HACD4: variants seen among roughly 807,000 people sequenced by gnomAD.
The protein encoded by HACD4 is 3-hydroxyacyl-CoA dehydratase 4.
In HACD4, 35 loss-of-function variants were observed where a neutral mutation model predicts 33.3. The observed-to-expected ratio is 1.05, with a 90% CI of 0.80 to 1.39. The LOEUF is 1.39. Ranked by LOEUF, HACD4 falls within the 40% of genes most tolerant of loss-of-function variation. The pLI is 0.00. For synonymous variants in HACD4, 118 were observed against 98.0 expected, an observed-to-expected ratio of 1.20 and a Z score of -1.21; for missense variants, 323 against 276.5, an observed-to-expected ratio of 1.17 and a Z score of -1.19.
intron 3 of HACD4, among the ~76,000 whole-genome samples, chr9:21,025,024 T>C (rs1381547060): frequency 2.0e-5 from 3 of 152,122 alleles, no homozygotes; most frequent in African/African-American, 7.2e-5. Context: ...CACCAATAAA[T>C]CTTGCTCCCA....
At chr9:21,029,255 A>T in intron 2 of HACD4, 40 bp downstream of exon 2, 1 of 1,146,624 alleles carries the variant, frequency 8.7e-7, no homozygotes, top group Non-Finnish European at 1.3e-6. Context: ...GAAAACAAGG[A>T]TTAAAAGTTA....
intron 4 of HACD4, among the ~76,000 whole-genome samples, chr9:21,013,610 C>A (rs893800670): frequency 6.6e-6 from 1 of 152,138 alleles, no homozygotes; most frequent in Non-Finnish European, 1.5e-5. Flanking sequence ...GCCATCTGAA[C>A]AATATTAAGT....
At chr9:21,020,996 C>T (rs57721805) in intron 3 of HACD4, among the ~76,000 whole-genome samples, 2,444 of 152,140 alleles carry the variant, frequency 0.016, 68 homozygotes, top group African/African-American at 0.055. Context: ...CAGGGCAAAC[C>T]GAGTCCAGCA....
At chr9:21,018,123 A>T (rs1817810016) in intron 3 of HACD4, among the ~76,000 whole-genome samples, 1 of 152,208 alleles carries the variant, frequency 6.6e-6, no homozygotes, top group Non-Finnish European at 1.5e-5. Flanking sequence ...TCTGATGGTT[A>T]TTCAACTCTA....
At chr9:21,025,651 TTTA>T (rs1255433659) in intron 3 of HACD4, among the ~76,000 whole-genome samples, 1 of 152,198 alleles carries the variant, frequency 6.6e-6, no homozygotes, top group African/African-American at 2.4e-5. Context: ...ACAGAAAATC[TTTA>T]TTTTTATTTT....
At position 21,030,905 on chromosome 9, in the gene HACD4, C is replaced by T. The variant is rs147796693; in HGVS notation, c.38+648G>A. On this transcript the variant is annotated intron_variant, in intron 1 of 6. Coordinates refer to ENST00000495827, the MANE Select transcript of HACD4 (RefSeq NM_001010915.5). ...GTTCCCTGGGAGTTCAGAAGAGTGA[C>T]GGGAGTGGCCCTGCCAGTGTGGTCA... Among the ~76,000 whole-genome samples, 75 of 152,246 alleles carry T rather than the reference C, an allele frequency of 4.9e-4. 1 individual carries two copies. The highest frequency in any genetic ancestry group is 1.7e-3 in the African/African-American group (70 of 41,566).
At chr9:21,028,152 GA>G (rs1368534100) in intron 2 of HACD4, among the ~76,000 whole-genome samples, 1 of 122,658 alleles carries the variant, frequency 8.2e-6, no homozygotes, top group South Asian at 2.7e-4. Context: ...AAAAAAAAAA[GA>G]AAAAAGAAAA....
chr9:21,016,697 T>A (rs1020860472), intron 3 of HACD4, among the ~76,000 whole-genome samples: 7 of 148,800 alleles, frequency 4.7e-5, no homozygotes, highest in Admixed American at 4.7e-4. Context: ...GAGATGAAAT[T>A]GAAAACATGT....
intron 4 of HACD4, among the ~76,000 whole-genome samples, chr9:21,014,216 CT>C: frequency 6.6e-6 from 1 of 152,286 alleles, no homozygotes; most frequent in East Asian, 1.9e-4. Flanking sequence ...TGGAATTTCA[CT>C]CCTAGGTATA....
rs1194255732 is a variant in HACD4 at position 21,006,219 on chromosome 9, G to A, written c.*818C>T. ...CTCCAATATGATGGTATTTGGAGGT[G>A]GGGCCATTGGGAGGTAATTAGATCA... is the stretch of plus-strand genomic sequence containing the variant. On this transcript the variant is annotated 3_prime_UTR_variant, in exon 7 of 7. Transcript: ENST00000495827. This position sits in a 1 kb window ranked among gnomAD's most constrained non-coding sequence, Gnocchi z 4.6. 1 of 152,274 alleles carries A rather than the reference G, an allele frequency of 6.6e-6. No individual in the cohort carries two copies. 9.4% of individuals were successfully genotyped at this position (152,274 alleles called of 1,614,324 possible).
rs1272993081 is a variant in HACD4, at chr9:21,003,514, TA to T, written c.*3522del. On this transcript the variant is annotated 3_prime_UTR_variant, in exon 7 of 7. Coordinates refer to ENST00000495827, the MANE Select transcript of HACD4 (RefSeq NM_001010915.5). Reference sequence around the variant, plus strand: ...TAAAAGCAGAAAAAATGTAGCTTTTTAAAAGGATAATTTTTTAAAATCCAAA... The same window carrying T: ...TAAAAGCAGAAAAAATGTAGCTTTTTAAAGGATAATTTTTTAAAATCCAAA... 1 of 152,128 alleles carries T rather than the reference TA, an allele frequency of 6.6e-6. No homozygotes were observed. The highest frequency in any genetic ancestry group is 1.9e-4 in the East Asian group (1 of 5,202). The allele number at this position is 152,128 out of a possible 1,614,324, so 9.4% of individuals were successfully genotyped here.
intron 1 of HACD4, among the ~76,000 whole-genome samples, chr9:21,030,595 T>C (rs1400638363): frequency 2.6e-5 from 4 of 152,180 alleles, no homozygotes; most frequent in African/African-American, 4.8e-5. Flanking sequence ...GGGGTAGGGA[T>C]GGGAGTAATC....
intron 4 of HACD4, among the ~76,000 whole-genome samples, chr9:21,012,436 A>C (rs1314388943): frequency 6.6e-6 from 1 of 152,226 alleles, no homozygotes; most frequent in African/African-American, 2.4e-5. Flanking sequence ...GAGAACTACT[A>C]ATATAGACAG....
chr9:21,025,876 A>G (rs139711446), intron 3 of HACD4, among the ~76,000 whole-genome samples: 2 of 152,336 alleles, frequency 1.3e-5, no homozygotes, highest in East Asian at 1.9e-4. Flanking sequence ...CAGTTACTTC[A>G]TAAGATACAT....
chr9:21,024,718 C>T (rs1188357757), intron 3 of HACD4, among the ~76,000 whole-genome samples: 1 of 152,186 alleles, frequency 6.6e-6, no homozygotes, highest in East Asian at 1.9e-4. Context: ...GCATTCTCTA[C>T]ACTGGCAATA....
chr9:21,025,735 G>T (rs907973955), intron 3 of HACD4, among the ~76,000 whole-genome samples: 1 of 152,082 alleles, frequency 6.6e-6, no homozygotes, highest in Non-Finnish European at 1.5e-5. Context: ...CCTTCAACCT[G>T]TCTTTACAAA....
intron 3 of HACD4, among the ~76,000 whole-genome samples, chr9:21,022,752 A>G (rs918696805): frequency 2.0e-4 from 31 of 151,608 alleles, no homozygotes; most frequent in African/African-American, 7.3e-4. Flanking sequence ...AAATAGGAAC[A>G]CTTTTACACT....
chr9:21,026,406 C>G (rs957803826), intron 3 of HACD4, among the ~76,000 whole-genome samples, 190 bp downstream of exon 3: 12 of 152,220 alleles, frequency 7.9e-5, no homozygotes, highest in African/African-American at 2.9e-4. Context: ...TCACTGCCCT[C>G]AGTGTTTCCA....
At position 21,011,663 on chromosome 9, in the gene HACD4, A is replaced by G. The variant is rs757453023; in HGVS notation, c.416T>C (p.Ile139Thr). 9 of 1,604,014 alleles carry G rather than the reference A, an allele frequency of 5.6e-6. No individual in the cohort carries two copies. The highest frequency in any genetic ancestry group is 2.7e-5 in the African/African-American group (2 of 74,730). The change falls in exon 5 of 7, where the codon ATA becomes ACA. Residue 139 changes from isoleucine to threonine, a missense_variant. Coordinates refer to ENST00000495827, the MANE Select transcript of HACD4 (RefSeq NM_001010915.5). Reference protein sequence around the residue: ...YTYSMLSVIGISYAVLTWLSQ... With the variant: ...YTYSMLSVIGTSYAVLTWLSQ... ...GAGCCATGTCAAGACAGCATAGGAT[A>G]TTCCTATGACTGATAACATGCTATA...
Sources: gnomAD v4.1 joint callset for allele counts (sites outside exome capture counted in the v4.1 genomes callset) on GRCh38, gnomAD v4.1.1 for gene constraint, Gnocchi (gnomAD v3.1) non-coding constraint, MANE v1.5 for transcripts, NCBI Gene and HGNC (gene_info 2026-07-23, HGNC 2026-07-21) for gene names.